ASZ1: variants seen among roughly 807,000 people sequenced by gnomAD.
ASZ1 encodes ankyrin repeat, SAM and basic leucine zipper domain-containing protein 1.
ASZ1 carries 67 observed loss-of-function variants against 61.8 expected under a neutral mutation model. The observed-to-expected ratio is 1.08, with a 90% confidence interval of 0.89 to 1.33. ASZ1 has a LOEUF of 1.33. Among genes scored for constraint, ASZ1 ranks in the 40% most tolerant of loss-of-function variants. ASZ1 has a pLI of 0.00. For missense variants in ASZ1, 577 were observed against 554.5 expected, an observed-to-expected ratio of 1.04 and a Z score of -0.41; for synonymous variants, 193 against 192.7, an observed-to-expected ratio of 1.00 and a Z score of -0.01.
chr7:117,401,864 C>T (rs565760983), intron 4 of ASZ1, among the ~76,000 whole-genome samples: 1 of 152,102 alleles, frequency 6.6e-6, no homozygotes, highest in Non-Finnish European at 1.5e-5. Flanking sequence ...CACAAACACA[C>T]ATTCTACTTA....
chr7:117,387,178 G>A (rs1039353290), intron 4 of ASZ1, among the ~76,000 whole-genome samples: 6 of 150,606 alleles, frequency 4.0e-5, no homozygotes, highest in African/African-American at 1.5e-4. Flanking sequence ...AGCTGGATGT[G>A]GTCTGCACAA....
At chr7:117,422,898 G>T (rs892288059) in intron 2 of ASZ1, among the ~76,000 whole-genome samples, 2 of 152,074 alleles carry the variant, frequency 1.3e-5, no homozygotes, top group Admixed American at 1.3e-4. Flanking sequence ...TGTGATCCAG[G>T]AACTGACATC....
chr7:117,385,630 A>G, intron 5 of ASZ1, 68 bp downstream of exon 5: 1 of 1,304,374 alleles, frequency 7.7e-7, no homozygotes, highest in Non-Finnish European at 1.1e-6. Context: ...TTACTTCTTA[A>G]AATTCTTTTT....
At chr7:117,370,649 A>G (rs1796031968) in intron 10 of ASZ1, among the ~76,000 whole-genome samples, 1 of 152,232 alleles carries the variant, frequency 6.6e-6, no homozygotes, top group African/African-American at 2.4e-5. Context: ...TACAATAACC[A>G]TAAGATGCCA....
chr7:117,365,907 G>A (rs1047607446), intron 12 of ASZ1, among the ~76,000 whole-genome samples: 3 of 152,292 alleles, frequency 2.0e-5, no homozygotes, highest in African/African-American at 7.2e-5. Context: ...CATTTAAAAT[G>A]TTCTTTCCCA....
rs117802245 is a variant in ASZ1 at position 117,423,281 on chromosome 7, G to A, written c.206-922C>T. Among the ~76,000 whole-genome samples the A allele has an allele frequency of 9.0e-4, 137 of 151,746 alleles. 3 individuals are homozygous for A. In the East Asian group the frequency reaches 0.018, roughly 20 times the overall value. ...TCACTTTTTTGGCTGTATAAACACC[G>A]GGTCACTGAAAGACTACATATGTCT... On this transcript the variant is annotated intron_variant, in intron 2 of 12. Transcript: ENST00000284629.
intron 12 of ASZ1, among the ~76,000 whole-genome samples, chr7:117,364,821 T>C (rs577394089): frequency 5.2e-4 from 79 of 152,248 alleles, no homozygotes; most frequent in African/African-American, 1.9e-3. Context: ...ACACTGATGC[T>C]CCATTTACTG....
intron 4 of ASZ1, among the ~76,000 whole-genome samples, chr7:117,412,186 T>C (rs1271126132): frequency 1.3e-5 from 2 of 151,808 alleles, no homozygotes; most frequent in Non-Finnish European, 3.0e-5. Flanking sequence ...ATTTAAGGAA[T>C]TTCTTTAATC....
chr7:117,410,733 A>G (rs1258657269), intron 4 of ASZ1, among the ~76,000 whole-genome samples: 2 of 150,230 alleles, frequency 1.3e-5, no homozygotes, highest in Non-Finnish European at 3.0e-5. Flanking sequence ...TTTTCCTAAA[A>G]GATGTAAGAG....
At chr7:117,391,579 T>C (rs1193803017) in intron 4 of ASZ1, among the ~76,000 whole-genome samples, 1 of 152,176 alleles carries the variant, frequency 6.6e-6, no homozygotes. Context: ...CCCCACTGTT[T>C]ATTTTTGTTG....
chr7:117,379,405 G>A (rs1796209334), intron 10 of ASZ1, among the ~76,000 whole-genome samples: 1 of 151,246 alleles, frequency 6.6e-6, no homozygotes, highest in Admixed American at 6.6e-5. Context: ...GCTCTATAAT[G>A]TATTAATAAA....
At chr7:117,405,676 C>A (rs1796769053) in intron 4 of ASZ1, among the ~76,000 whole-genome samples, 1 of 152,162 alleles carries the variant, frequency 6.6e-6, no homozygotes, top group African/African-American at 2.4e-5. Context: ...GGATTCTTTC[C>A]AACTTCCTAG....
Position 117,406,773 on chromosome 7 carries a change from T to C in ASZ1, c.440+13390A>G, listed in dbSNP as rs117448469. On this transcript the variant is annotated intron_variant, in intron 4 of 12. Transcript: ENST00000284629. Reference sequence around the variant, plus strand: ...CCATCTCAAAAAAAAAAAATAGCGATAGATTCAAAATATATGACAACAATA... The same window carrying C: ...CCATCTCAAAAAAAAAAAATAGCGACAGATTCAAAATATATGACAACAATA... Among the ~76,000 whole-genome samples, 1,378 of 150,840 alleles carry C rather than the reference T, an allele frequency of 9.1e-3. 15 individuals are homozygous for C. Among genetic ancestry groups the C allele is most frequent in the Non-Finnish European group, 0.013 (877 of 67,720 alleles).
At chr7:117,415,220 T>C (rs1796967564) in intron 4 of ASZ1, among the ~76,000 whole-genome samples, 1 of 152,222 alleles carries the variant, frequency 6.6e-6, no homozygotes, top group Admixed American at 6.5e-5. Flanking sequence ...ATCTGTGGTT[T>C]TGCTGTCTGC....
At chr7:117,380,924 C>T (rs1796237224) in intron 9 of ASZ1, 87 bp downstream of exon 9, 1 of 1,168,554 alleles carries the variant, frequency 8.6e-7, no homozygotes, top group African/African-American at 1.6e-5. Flanking sequence ...GTCTATAGCC[C>T]TGGCATTTTA....
At chr7:117,370,107 A>G (rs1796020020) in intron 10 of ASZ1, among the ~76,000 whole-genome samples, 1 of 152,140 alleles carries the variant, frequency 6.6e-6, no homozygotes, top group African/African-American at 2.4e-5. Context: ...AAGGGTATTT[A>G]TTCTGGGCTC....
intron 2 of ASZ1, among the ~76,000 whole-genome samples, chr7:117,425,390 C>A (rs921800207): frequency 1.3e-5 from 2 of 151,288 alleles, no homozygotes; most frequent in South Asian, 4.2e-4. Flanking sequence ...CTCAGCCTCC[C>A]GCGTAGCTGG....
chr7:117,414,817 CT>C (rs1796958968), intron 4 of ASZ1, among the ~76,000 whole-genome samples: 1 of 151,982 alleles, frequency 6.6e-6, no homozygotes, highest in Non-Finnish European at 1.5e-5. Flanking sequence ...TGAACTCATC[CT>C]TTTTTATGGC....
intron 4 of ASZ1, among the ~76,000 whole-genome samples, chr7:117,397,915 G>A (rs1038781841): frequency 2.0e-5 from 3 of 152,194 alleles, no homozygotes; most frequent in South Asian, 2.1e-4. Flanking sequence ...GTCCACAGGC[G>A]AACTCACCTC....
Sources: allele counts gnomAD v4.1 joint callset (sites outside exome capture counted in the v4.1 genomes callset), GRCh38; gene constraint gnomAD v4.1.1; transcripts MANE v1.5; gene names NCBI Gene and HGNC (gene_info 2026-07-23, HGNC 2026-07-21).